Variants in CHCHD3 observed in about 807,000 individuals in gnomAD.
CHCHD3 encodes MICOS complex subunit MIC19.
In CHCHD3, 20 loss-of-function variants were observed where a neutral mutation model predicts 38.2. The observed-to-expected ratio is 0.52, with a 90% CI of 0.37 to 0.76. CHCHD3 has a LOEUF of 0.76. Among genes scored for constraint, CHCHD3 ranks in the 30% least tolerant of loss-of-function variants. CHCHD3 has a pLI of 0.00. For synonymous variants in CHCHD3, 82 were observed against 100.0 expected, an observed-to-expected ratio of 0.82 and a Z score of 1.07; for missense variants, 245 against 279.2, an observed-to-expected ratio of 0.88 and a Z score of 0.87.
intron 4 of CHCHD3, among the ~76,000 whole-genome samples, chr7:132,904,054 G>A (rs889786135): frequency 6.6e-6 from 1 of 152,084 alleles, no homozygotes; most frequent in Non-Finnish European, 1.5e-5. Context: ...GAGGTCAGGA[G>A]TTCAAGACCA....
At chr7:133,044,471 T>C (rs989939551) in intron 2 of CHCHD3, among the ~76,000 whole-genome samples, 1 of 152,094 alleles carries the variant, frequency 6.6e-6, no homozygotes, top group African/African-American at 2.4e-5. Flanking sequence ...TAAAAGTTAA[T>C]GGGTGGGGAG....
In CHCHD3 at chr7:133,001,415, T is replaced by C. The variant is rs538816230; in HGVS notation, c.251+23131A>G. Among the ~76,000 whole-genome samples, 8 of 152,270 alleles carry C rather than the reference T, an allele frequency of 5.3e-5. No homozygotes were observed. In the South Asian group the frequency reaches 1.7e-3, roughly 32 times the overall value. On this transcript the variant is annotated intron_variant, in intron 3 of 7. Transcript: ENST00000262570. ...CTCCAAGCCCTTGAAAATGATTATC[T>C]GAACAAGCAAAAAAGCAATATACAA...
In CHCHD3 at chr7:132,967,214, A is replaced by AT. The variant is rs536616959; in HGVS notation, c.369+7954dup. 1.8e-3 allele frequency among the ~76,000 whole-genome samples: 277 copies of AT among 152,328 alleles called. 1 individual carries two copies. Among genetic ancestry groups the AT allele is most frequent in the African/African-American group, 6.4e-3 (264 of 41,574 alleles). ...ATGAGAACACATTCTAAGCAGAGTT[A>AT]TTCCCCCTAGCTGTCCTTAAATATG... On this transcript the variant is annotated intron_variant, in intron 4 of 7. Coordinates refer to ENST00000262570, the MANE Select transcript of CHCHD3 (RefSeq NM_017812.4).
At chr7:132,907,849 TACC>T (rs1358655612) in intron 4 of CHCHD3, among the ~76,000 whole-genome samples, 2 of 152,194 alleles carry the variant, frequency 1.3e-5, no homozygotes, top group Admixed American at 1.3e-4. Flanking sequence ...GCTATGTTTC[TACC>T]AGCCCTTTCT....
At chr7:133,059,237 CA>C in intron 2 of CHCHD3, among the ~76,000 whole-genome samples, 1 of 152,096 alleles carries the variant, frequency 6.6e-6, no homozygotes, top group Non-Finnish European at 1.5e-5. Flanking sequence ...TCAAGTGTCC[CA>C]GAGTTTTGAC....
chr7:132,961,566 C>T (rs1811321648), intron 4 of CHCHD3, among the ~76,000 whole-genome samples: 1 of 152,178 alleles, frequency 6.6e-6, no homozygotes, highest in Non-Finnish European at 1.5e-5. Context: ...AGTTAATTAA[C>T]ACATCTATCA....
intron 3 of CHCHD3, among the ~76,000 whole-genome samples, chr7:132,982,230 A>G (rs556021785): frequency 6.6e-5 from 10 of 152,360 alleles, no homozygotes; most frequent in Admixed American, 3.3e-4. Flanking sequence ...ATCCTGGAAG[A>G]AAATATATGT....
At chr7:132,832,243 A>G (rs1199276557) in intron 6 of CHCHD3, among the ~76,000 whole-genome samples, 4 of 152,206 alleles carry the variant, frequency 2.6e-5, no homozygotes. Context: ...AATACTTTAT[A>G]AGGATAACCT....
At chr7:133,001,495 A>G (rs967761977) in intron 3 of CHCHD3, among the ~76,000 whole-genome samples, 2 of 152,224 alleles carry the variant, frequency 1.3e-5, no homozygotes, top group African/African-American at 4.8e-5. Context: ...ACTAAAAGGA[A>G]TATTTTTCAA....
At chr7:132,865,981 G>A (rs974797270) in intron 5 of CHCHD3, among the ~76,000 whole-genome samples, 1 of 152,124 alleles carries the variant, frequency 6.6e-6, no homozygotes. Flanking sequence ...TACTCATATA[G>A]CCTCCAGTGG....
At chr7:133,000,986 G>A (rs1421568543) in intron 3 of CHCHD3, among the ~76,000 whole-genome samples, 1 of 152,174 alleles carries the variant, frequency 6.6e-6, no homozygotes, top group Non-Finnish European at 1.5e-5. Context: ...AGAGGTACAT[G>A]TTACAACTTC....
intron 2 of CHCHD3, among the ~76,000 whole-genome samples, chr7:133,054,851 A>T (rs533986112): frequency 6.6e-6 from 1 of 152,310 alleles, no homozygotes; most frequent in South Asian, 2.1e-4. Context: ...GCTGGGGATG[A>T]TCACAGGCCC....
intron 4 of CHCHD3, among the ~76,000 whole-genome samples, chr7:132,940,256 T>C (rs1374215541): frequency 1.3e-5 from 2 of 152,206 alleles, no homozygotes; most frequent in Non-Finnish European, 2.9e-5. Context: ...TTCCAAACCA[T>C]TTAACACCTC....
intron 2 of CHCHD3, among the ~76,000 whole-genome samples, chr7:133,064,466 G>A (rs1176286743): frequency 1.3e-5 from 2 of 152,158 alleles, no homozygotes. Context: ...TCGAGTCAAA[G>A]GAATAAGCTT....
At chr7:132,977,447 C>T (rs1482967415) in intron 3 of CHCHD3, among the ~76,000 whole-genome samples, 1 of 152,064 alleles carries the variant, frequency 6.6e-6, no homozygotes, top group Non-Finnish European at 1.5e-5. Context: ...TGAAGTGCTC[C>T]CCATGAGAAT....
intron 2 of CHCHD3, among the ~76,000 whole-genome samples, chr7:133,034,210 G>A (rs547316967): frequency 6.6e-6 from 1 of 151,984 alleles, no homozygotes. Context: ...GTTCAATAAG[G>A]CCATATCATG....
Position 132,838,442 on chromosome 7 carries a change from C to T in CHCHD3, c.481G>A (p.Glu161Lys). Residue 161 changes from glutamate (E) to lysine (K), a missense_variant, in exon 6 of 8, where the codon GAA (glutamate) becomes AAA (lysine). Physicochemically the swap from Glu to Lys is moderately conservative, Grantham distance 56. Coordinates refer to ENST00000262570, the MANE Select transcript of CHCHD3 (RefSeq NM_017812.4). ...RSSEFYRVTT[E>K]QYQKAAEEVE... is the part of the protein sequence containing the mutation. ...TCTTCAGCAGCTTTCTGATATTGTT[C>T]AGTGGTGACTCTGTAGAACTCTGAG... 6.2e-7 allele frequency: 1 copy of T among 1,612,958 alleles called. No homozygotes were observed. Among genetic ancestry groups the T allele is most frequent in the Middle Eastern group, 1.7e-4 (1 of 6,002 alleles).
intron 6 of CHCHD3, among the ~76,000 whole-genome samples, chr7:132,825,673 A>G (rs894435789): frequency 6.6e-6 from 1 of 152,238 alleles, no homozygotes; most frequent in African/African-American, 2.4e-5. Context: ...TGATGCAGAA[A>G]ACAGCAGCAT....
Position 132,862,555 on chromosome 7 carries a change from G to A in CHCHD3, c.453+23107C>T, listed in dbSNP as rs151257857. Among the ~76,000 whole-genome samples, 1,200 of 152,264 alleles carry A rather than the reference G, an allele frequency of 7.9e-3. 15 individuals carry two copies. Among genetic ancestry groups the A allele is most frequent in the African/African-American group, 0.025 (1,056 of 41,552 alleles). On this transcript the variant is annotated intron_variant, in intron 5 of 7. Coordinates refer to ENST00000262570, the MANE Select transcript of CHCHD3 (RefSeq NM_017812.4). ...GTCTTATCTCGATATTGATGGCTGC[G>A]GTGGTGGCCAAATGGCATGGCTATG... is the stretch of plus-strand genomic sequence containing the variant.
Sources: gnomAD v4.1 joint callset for allele counts (sites outside exome capture counted in the v4.1 genomes callset) on GRCh38, gnomAD v4.1.1 for gene constraint, MANE v1.5 for transcripts, NCBI Gene and HGNC (gene_info 2026-07-23, HGNC 2026-07-21) for gene names.